The following BPIFB3 variants were observed in gnomAD, a reference collection of about 807,000 sequenced individuals.
BPIFB3 encodes the protein BPI fold-containing family B member 3.
In BPIFB3, 49 loss-of-function variants were observed where a neutral mutation model predicts 53.1. The ratio of observed to expected loss-of-function variants is 0.92; its 90% CI spans 0.73 to 1.17. The LOEUF (loss-of-function observed/expected upper bound fraction) is 1.17. Ranked by LOEUF, BPIFB3 falls within the 50% of genes most tolerant of loss-of-function variation. The probability of loss-of-function intolerance (pLI) is 0.00; values close to 1 mark genes in which losing one functional copy is unlikely to be tolerated. For synonymous variants in BPIFB3, 271 were observed against 269.6 expected (o/e 1.01, Z -0.05); for missense variants, 628 against 592.5 (o/e 1.06, Z -0.62).
Position 33,064,856 on chromosome 20 carries a change from T to G in BPIFB3, c.924+11T>G. The G allele has an allele frequency of 6.2e-7, 1 of 1,609,104 alleles. No individual in the cohort carries two copies. Among genetic ancestry groups the G allele is most frequent in the Non-Finnish European group, 8.5e-7 (1 of 1,178,878 alleles). The stretch of plus-strand genomic sequence containing the variant: ...ATCACCCCTGAGCTGGTGAGTGTGG[T>G]GCCCGGGGGATGGGGATGGGGGCTC... On this transcript the variant is annotated intron_variant, in intron 8 of 14. Transcript: ENST00000375494.
At chr20:33,063,499 G>A (rs1036323824) in intron 5 of BPIFB3, 116 bp from the exon 7 acceptor site, 8 of 1,118,080 alleles carry the variant, frequency 7.2e-6, no homozygotes, top group South Asian at 5.2e-5. Context: ...TCTGCCTTCC[G>A]CCTTGCCTTG....
Position 33,059,493 on chromosome 20 carries a change from C to T in BPIFB3, c.386+11C>T. ...CATGCATTGCTCTGGGTGAGTGTGTCCTGGGGACCTCTACCCTCCTGCTTC... is the reference window on the plus strand; with the variant it reads ...CATGCATTGCTCTGGGTGAGTGTGTTCTGGGGACCTCTACCCTCCTGCTTC... On this transcript the variant is annotated intron_variant, in intron 3 of 14. Transcript: ENST00000375494. 2 of 1,592,880 alleles carry T rather than the reference C, an allele frequency of 1.3e-6. No individual in the cohort carries two copies. The highest frequency in any genetic ancestry group is 1.1e-5 in the South Asian group (1 of 88,548).
chr20:33,060,171 A>G lies in BPIFB3; in HGVS notation c.527+140A>G. 5.1e-6 allele frequency: 6 copies of G among 1,184,990 alleles called. No homozygotes were observed. In the South Asian group the frequency reaches 9.1e-5, roughly 18 times the overall value. 73.4% of individuals were successfully genotyped at this position (1,184,990 alleles called of 1,614,324 possible). On this transcript the variant is annotated intron_variant, in intron 4 of 14. Transcript: ENST00000375494. ...TACCCCTGCTTGTCCCGCCGGTTTC[A>G]ACCCACTTCACAGACCGACAGATTG... is the stretch of plus-strand genomic sequence containing the variant.
At chr20:33,056,316 T>G (rs1260255103) in intron 1 of BPIFB3, among the ~76,000 whole-genome samples, 1 of 152,188 alleles carries the variant, frequency 6.6e-6, no homozygotes, top group Non-Finnish European at 1.5e-5. Context: ...CTCCAAACAC[T>G]TACTGGGTAC....
chr20:33,073,665 C>T (rs1600547316), downstream of BPIFB3: 18 of 1,574,770 alleles, frequency 1.1e-5, no homozygotes, highest in Middle Eastern at 3.4e-4. Flanking sequence ...GTCTACTCTG[C>T]CTCAATTTCC....
chr20:33,061,739 C>G, intron 4 of BPIFB3, 29 bp from the exon 6 acceptor site: 1 of 1,611,300 alleles, frequency 6.2e-7, no homozygotes, highest in South Asian at 1.1e-5. Context: ...ACCTGGCAGC[C>G]GCACCCACAT....
Position 33,068,791 on chromosome 20 carries a change from G to A in BPIFB3, c.979-12G>A, listed in dbSNP as rs1372215642. ...CCTGGGGCATCTAAGTTATGCCCCT[G>A]CATTTCTCCAGGCCCTGGGGAAGCT... On this transcript the variant is annotated splice_polypyrimidine_tract_variant and intron_variant, in intron 9 of 14. Coordinates refer to ENST00000375494, the Ensembl canonical transcript of BPIFB3. 1 of 1,611,634 alleles carries A rather than the reference G, an allele frequency of 6.2e-7. No individual in the cohort carries two copies. Among genetic ancestry groups the A allele is most frequent in the Non-Finnish European group, 8.5e-7 (1 of 1,178,680 alleles).
intron 2 of BPIFB3, among the ~76,000 whole-genome samples, chr20:33,058,934 G>T (rs1980325710): frequency 6.6e-6 from 1 of 152,184 alleles, no homozygotes; most frequent in Admixed American, 6.5e-5. Flanking sequence ...CCAGAGGACA[G>T]AGAGTAATGA....
chr20:33,068,652 TG>T, intron 9 of BPIFB3, 150 bp from the exon 11 acceptor site: 1 of 765,390 alleles, frequency 1.3e-6, no homozygotes, highest in Non-Finnish European at 2.1e-6. Flanking sequence ...GTCAGCCTCA[TG>T]GGGGCTGAGC....
chr20:33,057,048 C>T (rs1005090424), intron 2 of BPIFB3, among the ~76,000 whole-genome samples: 6 of 152,162 alleles, frequency 3.9e-5, no homozygotes, highest in African/African-American at 7.2e-5. Flanking sequence ...CTTTCTTATC[C>T]CCACCATACA....
Position 33,069,816 on chromosome 20 carries a change from G to A in BPIFB3, c.1150-72G>A, listed in dbSNP as rs1371553122. 35 of 1,471,736 alleles carry A rather than the reference G, an allele frequency of 2.4e-5. 1 individual carries two copies. In the South Asian group the frequency reaches 3.5e-4, roughly 15 times the overall value. 91.2% of individuals were successfully genotyped at this position (1,471,736 alleles called of 1,614,324 possible). ...GTAAGGGTTAGTGGACGGAACAGAT[G>A]GATGGAGGCAGACCCGTCCTCAAGC... On this transcript the variant is annotated intron_variant, in intron 10 of 14. Transcript: ENST00000375494.
intron 2 of BPIFB3, among the ~76,000 whole-genome samples, chr20:33,057,860 C>T (rs1210732141): frequency 6.6e-6 from 1 of 151,600 alleles, no homozygotes; most frequent in Non-Finnish European, 1.5e-5. Flanking sequence ...GAATGAAGAG[C>T]ATCACATTAT....
chr20:33,072,099 T>C lies in BPIFB3; in HGVS notation c.1261-5T>C. 6.2e-7 allele frequency: 1 copy of C among 1,614,118 alleles called. No individual in the cohort carries two copies. The highest frequency in any genetic ancestry group is 2.2e-5 in the East Asian group (1 of 44,886). ...ACCCCCACCACCCTGTGTGTTCTGT[T>C]GCAGGGATCGCGTTTAGAAGAATGG... On this transcript the variant is annotated splice_polypyrimidine_tract_variant and splice_region_variant and intron_variant, in intron 12 of 14. Coordinates refer to ENST00000375494, the Ensembl canonical transcript of BPIFB3.
chr20:33,072,287 A>G, intron 13 of BPIFB3, 120 bp downstream of exon 14: 1 of 1,090,774 alleles, frequency 9.2e-7, no homozygotes, highest in Non-Finnish European at 1.4e-6. Context: ...GTCGATCCTC[A>G]TTTGCAAGAT....
intron 2 of BPIFB3, among the ~76,000 whole-genome samples, chr20:33,056,981 G>C (rs944614553): frequency 1.3e-5 from 2 of 152,156 alleles, no homozygotes; most frequent in African/African-American, 4.8e-5. Flanking sequence ...TATCAGCATG[G>C]TTCCCTTTTT....
Position 33,072,110 on chromosome 20 carries a change from C to T in BPIFB3, c.1267C>T (p.Arg423Cys), listed in dbSNP as rs569157649. 6.0e-5 allele frequency: 97 copies of T among 1,614,150 alleles called. No homozygotes were observed. In the South Asian group the frequency reaches 9.9e-4, roughly 16 times the overall value. ...CCTGTGTGTTCTGTTGCAGGGATCG[C>T]GTTTAGAAGAATGGCTCAGCCATGT... Residue 423 changes from arginine to cysteine, a missense_variant, in exon 13 of 15, where the codon CGT (arginine) becomes TGT (cysteine). Transcript: ENST00000375494.
chr20:33,059,948 G>A (rs749462896), exon 4 of BPIFB3: 39 of 1,614,018 alleles, frequency 2.4e-5, no homozygotes, highest in South Asian at 9.9e-5. Context: ...CGCGGGTGGC[G>A]CTGGCCGTGA....
chr20:33,065,216 C>T (rs763214050), intron 8 of BPIFB3, among the ~76,000 whole-genome samples: 1 of 152,162 alleles, frequency 6.6e-6, no homozygotes, highest in Non-Finnish European at 1.5e-5. Flanking sequence ...CTAAAATTTC[C>T]ACTGCTTTCT....
At chr20:33,068,663 C>CCCA in intron 9 of BPIFB3, 140 bp from the exon 11 acceptor site, 1 of 864,946 alleles carries the variant, frequency 1.2e-6, no homozygotes, top group Non-Finnish European at 1.8e-6. Context: ...GGGGGCTGAG[C>CCCA]CCAGGCCTGT....
Sources: gnomAD v4.1 joint callset for allele counts (sites outside exome capture counted in the v4.1 genomes callset) on GRCh38, gnomAD v4.1.1 for gene constraint, MANE v1.5 for transcripts, NCBI Gene and HGNC (gene_info 2026-07-23, HGNC 2026-07-21) for gene names.